The following LRRC37A2 variants were observed in gnomAD, a reference collection of about 807,000 sequenced individuals.
LRRC37A2 encodes the protein leucine-rich repeat-containing protein 37A2.
Under a neutral mutation model 68.8 loss-of-function variants are expected in LRRC37A2, and 9 were observed. The observed-to-expected ratio is 0.13, with a 90% CI of 0.08 to 0.23. The LOEUF (loss-of-function observed/expected upper bound fraction) is 0.23. Ranked by LOEUF, LRRC37A2 falls within the 10% of genes least tolerant of loss-of-function variation. The pLI is 1.00. For missense variants in LRRC37A2, 168 were observed against 950.4 expected, an observed-to-expected ratio of 0.18 and a Z score of 10.82; for synonymous variants, 63 against 367.6, an observed-to-expected ratio of 0.17 and a Z score of 9.48.
At chr17:46,900,192 TATATATATATACACACACACACACAC>T in the LRRC37A2 span, among the ~76,000 whole-genome samples, 19 of 97,422 alleles carry the variant, frequency 2.0e-4, no homozygotes, top group African/African-American at 7.7e-4. Flanking sequence ...TATATATATA[TATATATATATACACACACACACACAC>T]ACATATATAT....
the LRRC37A2 span, among the ~76,000 whole-genome samples, chr17:46,887,880 C>G: frequency 5.9e-5 from 9 of 152,168 alleles, no homozygotes; most frequent in Admixed American, 5.9e-4. Flanking sequence ...ATTAGTGAGA[C>G]AGGCGGAGTC....
the LRRC37A2 span, among the ~76,000 whole-genome samples, chr17:46,960,924 C>T: frequency 1.3e-5 from 2 of 152,004 alleles, no homozygotes; most frequent in Admixed American, 6.5e-5. Flanking sequence ...TGACACAACT[C>T]TAAGTATTTG....
the LRRC37A2 span, among the ~76,000 whole-genome samples, chr17:46,967,300 G>GC: frequency 6.6e-6 from 1 of 152,202 alleles, no homozygotes; most frequent in African/African-American, 2.4e-5. Flanking sequence ...TCTTACCCTT[G>GC]CTGGGCTTCA....
chr17:46,878,090 C>G, the LRRC37A2 span, among the ~76,000 whole-genome samples: 1 of 152,234 alleles, frequency 6.6e-6, no homozygotes, highest in Non-Finnish European at 1.5e-5. Context: ...GCACATGCCT[C>G]TCTTGTTCAG....
the LRRC37A2 span, among the ~76,000 whole-genome samples, chr17:46,827,820 T>G: frequency 6.6e-6 from 1 of 151,640 alleles, no homozygotes; most frequent in Non-Finnish European, 1.5e-5. Flanking sequence ...TTTCTTTTTT[T>G]TTTTTTTGAG....
chr17:46,858,577 G>A, the LRRC37A2 span, among the ~76,000 whole-genome samples: 1 of 152,056 alleles, frequency 6.6e-6, no homozygotes, highest in Non-Finnish European at 1.5e-5. Context: ...GCCTAATTCT[G>A]TTGGTGGTGA....
chr17:46,897,560 G>A, the LRRC37A2 span, among the ~76,000 whole-genome samples: 1 of 152,166 alleles, frequency 6.6e-6, no homozygotes, highest in Non-Finnish European at 1.5e-5. Flanking sequence ...GACTCACACT[G>A]GATTGAGAAG....
At chr17:46,711,621 A>C in the LRRC37A2 span, among the ~76,000 whole-genome samples, 1 of 152,228 alleles carries the variant, frequency 6.6e-6, no homozygotes, top group African/African-American at 2.4e-5. Context: ...AGGCCTTGAA[A>C]GACCAGTTAG....
At chr17:46,910,956 A>G in the LRRC37A2 span, among the ~76,000 whole-genome samples, 92 of 152,294 alleles carry the variant, frequency 6.0e-4, 2 homozygotes, top group East Asian at 0.018. Context: ...GGAGCCACTG[A>G]TGGTTCCTGA....
chr17:46,914,966 T>A, the LRRC37A2 span, among the ~76,000 whole-genome samples: 4 of 152,228 alleles, frequency 2.6e-5, no homozygotes, highest in Admixed American at 6.5e-5. Context: ...TGCACTGTTA[T>A]ATTTTCATAA....
chr17:46,408,531 C>CT, the LRRC37A2 span, among the ~76,000 whole-genome samples: 4,035 of 61,408 alleles, frequency 0.066, 62 homozygotes, highest in African/African-American at 0.16. Context: ...TTTTTTAAAT[C>CT]TTTTTTTTTT....
the LRRC37A2 span, among the ~76,000 whole-genome samples, chr17:46,918,241 A>G: frequency 6.6e-6 from 1 of 152,140 alleles, no homozygotes; most frequent in Non-Finnish European, 1.5e-5. Flanking sequence ...CACCATGCCC[A>G]GCTAGTTTTT....
At chr17:46,837,219 G>A in the LRRC37A2 span, among the ~76,000 whole-genome samples, 1 of 152,158 alleles carries the variant, frequency 6.6e-6, no homozygotes, top group Non-Finnish European at 1.5e-5. Flanking sequence ...GGGATTACAG[G>A]CGTGAGCCAC....
At chr17:46,496,845 G>A in the LRRC37A2 span, among the ~76,000 whole-genome samples, 1 of 140,224 alleles carries the variant, frequency 7.1e-6, no homozygotes, top group African/African-American at 2.7e-5. Context: ...AAGCTGGGAG[G>A]CAGAGGCTGC....
At chr17:46,955,574 T>A in the LRRC37A2 span, 1 of 152,142 alleles carries the variant, frequency 6.6e-6, no homozygotes, top group East Asian at 1.9e-4. Flanking sequence ...CTACACTTAT[T>A]AAGGAAAAAC....
At chr17:46,798,573 C>T in the LRRC37A2 span, among the ~76,000 whole-genome samples, 11 of 152,214 alleles carry the variant, frequency 7.2e-5, no homozygotes, top group African/African-American at 2.4e-4. Flanking sequence ...AGCCCTCTCT[C>T]GCCTAAAGGT....
At chr17:46,858,782 T>TTA in the LRRC37A2 span, among the ~76,000 whole-genome samples, 1 of 152,138 alleles carries the variant, frequency 6.6e-6, no homozygotes, top group Admixed American at 6.6e-5. Flanking sequence ...TCCTCCTGCC[T>TTA]TAGCCTCCTG....
the LRRC37A2 span, among the ~76,000 whole-genome samples, chr17:46,958,075 C>A: frequency 1.3e-5 from 2 of 152,156 alleles, no homozygotes; most frequent in South Asian, 4.1e-4. Context: ...TCACCTCACC[C>A]GTAACCCATG....
At chr17:46,916,134 A>G in the LRRC37A2 span, among the ~76,000 whole-genome samples, 1 of 152,208 alleles carries the variant, frequency 6.6e-6, no homozygotes, top group Non-Finnish European at 1.5e-5. Flanking sequence ...TTTGCAACAC[A>G]TGTCAGGCAA....
Sources: gnomAD v4.1 joint callset for allele counts (sites outside exome capture counted in the v4.1 genomes callset) on GRCh38, gnomAD v4.1.1 for gene constraint, MANE v1.5 for transcripts, NCBI Gene and HGNC (gene_info 2026-07-23, HGNC 2026-07-21) for gene names.